TCERG1: variants seen among roughly 807,000 people sequenced by gnomAD.
The protein encoded by TCERG1 is transcription elongation regulator 1, also known as TATA box binding protein (TBP)-associated factor, RNA polymerase II, S, 150kD.
Under a neutral mutation model 144.7 loss-of-function variants are expected in TCERG1, and 37 were observed. That is an observed-to-expected ratio of 0.26 (90% CI 0.20 to 0.34). TCERG1 has a LOEUF of 0.34. Ranked by LOEUF, TCERG1 falls within the 10% of genes least tolerant of loss-of-function variation. The probability of loss-of-function intolerance (pLI) is 1.00; values close to 1 mark genes in which losing one functional copy is unlikely to be tolerated. For missense variants in TCERG1, 1,027 were observed against 1,380.7 expected (o/e 0.74, Z 4.06); for synonymous variants, 492 against 458.2 (o/e 1.07, Z -0.94).
intron 6 of TCERG1, among the ~76,000 whole-genome samples, chr5:146,468,837 A>G (rs1764021700): frequency 6.6e-6 from 1 of 152,096 alleles, no homozygotes; most frequent in Non-Finnish European, 1.5e-5. Flanking sequence ...TATTGAAGTA[A>G]GATAACTACC....
chr5:146,482,826 G>C, intron 14 of TCERG1, 99 bp downstream of exon 14: 3 of 1,315,790 alleles, frequency 2.3e-6, no homozygotes, highest in Non-Finnish European at 3.0e-6. Flanking sequence ...CTCATGTTAT[G>C]GGGGGGGATA....
chr5:146,472,817 G>A (rs1016592656), intron 9 of TCERG1, among the ~76,000 whole-genome samples: 3 of 151,980 alleles, frequency 2.0e-5, no homozygotes, highest in Admixed American at 6.6e-5. Context: ...GGGTTCAAGC[G>A]ATTCTTCTGT....
Position 146,507,731 on chromosome 5 carries a change from C to T in TCERG1, c.2962-142C>T, listed in dbSNP as rs1005413298. On this transcript the variant is annotated intron_variant, in intron 20 of 22. Coordinates refer to ENST00000679501, the MANE Select transcript of TCERG1 (RefSeq NM_001382548.1). The surrounding 1 kb of genome is among the most constrained non-coding windows in gnomAD (Gnocchi z 4.6). ...AAGAAATTGCATTAACGCTGCTTCC[C>T]TGTCCCTAACTAGTCCAGTTACGCT... The T allele has an allele frequency of 1.2e-5, 6 of 521,192 alleles. No homozygotes were observed. Among genetic ancestry groups the T allele is most frequent in the East Asian group, 6.4e-5 (2 of 31,282 alleles). The allele number at this position is 521,192 out of a possible 1,614,324, so 32.3% of individuals were successfully genotyped here.
In TCERG1 at chr5:146,471,507, T is replaced by C. The variant is rs1318147004; in HGVS notation, c.1532T>C (p.Met511Thr). The change falls in exon 9 of 23, where the codon ATG (methionine) becomes ACG (threonine). Residue 511 changes from methionine to threonine, a missense_variant. Transcript: ENST00000679501. ...EIKEEPKEEE[M>T]TEEEKAAQKA... ...TTGTAGGAGCCCAAAGAAGAGGAGATGACTGAAGAAGAAAAGGCTGCCCAG... is the reference window on the plus strand; with the variant it reads ...TTGTAGGAGCCCAAAGAAGAGGAGACGACTGAAGAAGAAAAGGCTGCCCAG... The C allele has an allele frequency of 5.0e-6, 8 of 1,613,466 alleles. No homozygotes were observed. The highest frequency in any genetic ancestry group is 6.8e-6 in the Non-Finnish European group (8 of 1,179,754).
intron 5 of TCERG1, among the ~76,000 whole-genome samples, chr5:146,468,064 G>C (rs1460792425): frequency 6.6e-6 from 1 of 152,100 alleles, no homozygotes; most frequent in Non-Finnish European, 1.5e-5. Context: ...TAATGAAGGG[G>C]CTTTCTTTTG....
intron 4 of TCERG1, among the ~76,000 whole-genome samples, chr5:146,463,036 CT>C (rs1204858651): frequency 6.6e-6 from 1 of 152,134 alleles, no homozygotes; most frequent in Non-Finnish European, 1.5e-5. Flanking sequence ...ACTCCTTAGC[CT>C]TTTGTTCAAG....
chr5:146,470,823 T>G, intron 8 of TCERG1, 75 bp downstream of exon 8: 1 of 972,888 alleles, frequency 1.0e-6, no homozygotes, highest in Non-Finnish European at 1.5e-6. Flanking sequence ...TGAGTATCTA[T>G]TGGATAGATT....
intron 1 of TCERG1, among the ~76,000 whole-genome samples, 162 bp from the exon 2 acceptor site, chr5:146,454,894 G>A (rs1243105114): frequency 2.0e-5 from 3 of 152,176 alleles, no homozygotes; most frequent in Non-Finnish European, 2.9e-5. Context: ...CACTGCACCC[G>A]GCCCATTGAT....
intron 19 of TCERG1, among the ~76,000 whole-genome samples, chr5:146,504,935 A>C (rs1767814336): frequency 6.6e-6 from 1 of 152,074 alleles, no homozygotes; most frequent in Non-Finnish European, 1.5e-5. Flanking sequence ...AGTCCCAGCT[A>C]CTTGGGAGGC....
At chr5:146,491,425 G>A (rs1451334059) in intron 15 of TCERG1, among the ~76,000 whole-genome samples, 3 of 152,130 alleles carry the variant, frequency 2.0e-5, no homozygotes, top group Admixed American at 2.0e-4. Flanking sequence ...GATCTAGTGG[G>A]TAGAGGCCAG....
At chr5:146,469,988 A>G (rs926048933) in intron 7 of TCERG1, among the ~76,000 whole-genome samples, 2 of 152,072 alleles carry the variant, frequency 1.3e-5, no homozygotes, top group African/African-American at 4.8e-5. Flanking sequence ...GTATGTACAT[A>G]TTTTTACTGT....
chr5:146,482,636 T>C lies in TCERG1; in HGVS notation c.1982T>C (p.Met661Thr). The C allele has an allele frequency of 6.2e-7, 1 of 1,613,228 alleles. No individual in the cohort carries two copies. Among genetic ancestry groups the C allele is most frequent in the Non-Finnish European group, 8.5e-7 (1 of 1,179,476 alleles). ...ATTGACTCAGAGAAAGAAGCTGCCATGGAAGCTGAAATTAAAGCTGCCCGA... is the reference window on the plus strand; with the variant it reads ...ATTGACTCAGAGAAAGAAGCTGCCACGGAAGCTGAAATTAAAGCTGCCCGA... ...KDIDSEKEAA[M>T]EAEIKAARER... The change falls in exon 14 of 23, where the codon ATG becomes ACG. Residue 661 changes from methionine (M) to threonine (T), a missense_variant. Met to Thr is a moderately conservative substitution (Grantham distance 81, BLOSUM62 -1). Around this residue, in one of 6 missense-constraint regions of TCERG1, gnomAD observed 482 missense variants for 632.6 expected, o/e 0.76. Coordinates refer to ENST00000679501, the MANE Select transcript of TCERG1 (RefSeq NM_001382548.1).
At chr5:146,465,187 C>G (rs1285137681) in intron 5 of TCERG1, among the ~76,000 whole-genome samples, 1 of 152,128 alleles carries the variant, frequency 6.6e-6, no homozygotes, top group East Asian at 1.9e-4. Context: ...TGATATTTGT[C>G]ACAACCTCTT....
chr5:146,494,994 A>G (rs1260585852), intron 16 of TCERG1, among the ~76,000 whole-genome samples: 1 of 152,180 alleles, frequency 6.6e-6, no homozygotes, highest in Non-Finnish European at 1.5e-5. Flanking sequence ...TGGGAATCTA[A>G]TGCTAAAAGT....
At chr5:146,469,937 T>C (rs1043302774) in intron 7 of TCERG1, 193 bp downstream of exon 7, 12 of 409,686 alleles carry the variant, frequency 2.9e-5, no homozygotes, top group Non-Finnish European at 4.6e-5. Context: ...TTTGTCATCA[T>C]TTTTTTCCAT....
At chr5:146,451,505 T>C (rs1476691184) in intron 1 of TCERG1, among the ~76,000 whole-genome samples, 7 of 151,692 alleles carry the variant, frequency 4.6e-5, no homozygotes, top group Admixed American at 1.3e-4. Flanking sequence ...GTATTTTTAG[T>C]AGAGTGGGGG....
chr5:146,501,551 T>A (rs1204301199), intron 17 of TCERG1, among the ~76,000 whole-genome samples: 1 of 152,240 alleles, frequency 6.6e-6, no homozygotes, highest in Non-Finnish European at 1.5e-5. Flanking sequence ...AAGATTCCTA[T>A]TTGATATAAC....
chr5:146,468,309 T>G, intron 5 of TCERG1, 32 bp from the exon 6 acceptor site: 1 of 1,532,022 alleles, frequency 6.5e-7, no homozygotes, highest in Non-Finnish European at 8.8e-7. Flanking sequence ...AATGGCAGCT[T>G]TCCAACGTAT....
chr5:146,473,329 CAGA>C (rs1183278980), intron 9 of TCERG1, among the ~76,000 whole-genome samples: 1 of 152,176 alleles, frequency 6.6e-6, no homozygotes, highest in Admixed American at 6.5e-5. Context: ...GAGAAAGCTG[CAGA>C]AGAAGAGTTG....
Sources: gnomAD v4.1 joint callset for allele counts (sites outside exome capture counted in the v4.1 genomes callset) on GRCh38, gnomAD v4.1.1 for gene constraint, gnomAD v4.1.1 regional missense constraint, Gnocchi (gnomAD v3.1) non-coding constraint, MANE v1.5 for transcripts, NCBI Gene and HGNC (gene_info 2026-07-23, HGNC 2026-07-21) for gene names.